Variants in ANKRD11 observed in about 807,000 individuals in gnomAD.
ANKRD11 encodes the protein ankyrin repeat domain-containing protein 11.
A neutral mutation model predicts 195.7 loss-of-function variants in ANKRD11; 17 were observed. The ratio of observed to expected loss-of-function variants is 0.09; its 90% confidence interval spans 0.06 to 0.13. The LOEUF is 0.13. ANKRD11 is among the 10% of genes least tolerant of loss of function. The pLI, the probability that ANKRD11 is intolerant of heterozygous loss-of-function variation, is 1.00. For missense variants in ANKRD11, 3,735 were observed against 3,566.1 expected (o/e 1.05, Z -1.21); for synonymous variants, 1,953 against 1,528.1 (o/e 1.28, Z -6.49).
intron 2 of ANKRD11, among the ~76,000 whole-genome samples, chr16:89,410,971 C>A (rs1449655380): frequency 6.6e-6 from 1 of 152,230 alleles, no homozygotes; most frequent in Non-Finnish European, 1.5e-5. Context: ...TTCAGGCTGC[C>A]CGGCCTCCAC....
At chr16:89,379,745 T>C (rs1481783806) in intron 2 of ANKRD11, among the ~76,000 whole-genome samples, 1 of 152,226 alleles carries the variant, frequency 6.6e-6, no homozygotes, top group African/African-American at 2.4e-5. Flanking sequence ...TTGGTTCTTG[T>C]GATTCACAAA....
At chr16:89,287,109 G>T in intron 7 of ANKRD11, 1 of 1,289,762 alleles carries the variant, frequency 7.8e-7, no homozygotes, top group Non-Finnish European at 1.0e-6. Context: ...CCTCCATCAT[G>T]GGGGCTGCTG....
chr16:89,453,848 G>A (rs925640405), intron 1 of ANKRD11, among the ~76,000 whole-genome samples: 3 of 152,130 alleles, frequency 2.0e-5, no homozygotes, highest in African/African-American at 4.8e-5. Context: ...GGACTCTGGA[G>A]CCAGCCTGCC....
chr16:89,291,920 C>G lies in ANKRD11; in HGVS notation c.227-737G>C. On this transcript the variant is annotated intron_variant, in intron 4 of 12. Transcript: ENST00000301030. This position sits in a 1 kb window ranked among gnomAD's most constrained non-coding sequence, Gnocchi z 5.3. ...GCTGGCGTCTAACGCAACTCACGTG[C>G]TGTGTCTTTTAAAAGAGGCAGGAGG... 1 of 483,182 alleles carries G rather than the reference C, an allele frequency of 2.1e-6. No homozygotes were observed. Among genetic ancestry groups the G allele is most frequent in the South Asian group, 1.7e-5 (1 of 59,986 alleles). The allele number at this position is 483,182 out of a possible 1,614,324, so 29.9% of individuals were successfully genotyped here.
intron 9 of ANKRD11, among the ~76,000 whole-genome samples, chr16:89,275,460 G>T (rs1266135049): frequency 1.3e-5 from 2 of 152,204 alleles, no homozygotes; most frequent in East Asian, 3.9e-4. Context: ...CAGTATCTGT[G>T]GGCCATCGTG....
chr16:89,301,609 G>C lies in ANKRD11; in HGVS notation c.226+3597C>G, dbSNP rs142158660. ...CACCCACAGCCCTTACAGAGGCCTG[G>C]TCCTAGGACGGGCTCTTGCCCAGCG... On this transcript the variant is annotated intron_variant, in intron 4 of 12. Transcript: ENST00000301030. The C allele has an allele frequency of 3.8e-3, 1,512 of 398,808 alleles. 18 individuals are homozygous for C. The highest frequency in any genetic ancestry group is 0.027 in the African/African-American group (1,322 of 48,760). The allele number at this position is 398,808 out of a possible 1,614,324, so 24.7% of individuals were successfully genotyped here. A position where few individuals can be genotyped will look rare whatever the true frequency, so the allele number is the denominator to read the frequency against.
Position 89,477,968 on chromosome 16 carries a change from C to G in ANKRD11, c.-145+12277G>C, listed in dbSNP as rs1395618697. On this transcript the variant is annotated intron_variant, in intron 1 of 12. Transcript: ENST00000301030. ...CAAGACTCCATCTCAAAAATAATAA[C>G]AAAAAATTAAAAAATCAGACCTAAT... Among the ~76,000 whole-genome samples, 3 of 152,004 alleles carry G rather than the reference C, an allele frequency of 2.0e-5. No homozygotes were observed. In the East Asian group the frequency reaches 5.8e-4, roughly 30 times the overall value.
chr16:89,319,347 G>A lies in ANKRD11; in HGVS notation c.-59-2269C>T, dbSNP rs1053884052. On this transcript the variant is annotated intron_variant, in intron 2 of 12. Coordinates refer to ENST00000301030, the MANE Select transcript of ANKRD11 (RefSeq NM_013275.6). ...CCAGGCACCTTCCCCAATGGACCAG[G>A]GATCTGGGAGTCCACTCAGGAGGTG... Among the ~76,000 whole-genome samples the A allele has an allele frequency of 2.0e-5, 3 of 152,214 alleles. No homozygotes were observed. The East Asian group carries it at 5.8e-4, about 29-fold the overall frequency.
intron 2 of ANKRD11, among the ~76,000 whole-genome samples, chr16:89,328,591 G>C (rs962281860): frequency 1.3e-5 from 2 of 151,902 alleles, no homozygotes; most frequent in African/African-American, 2.4e-5. Context: ...CCAGGCGTAC[G>C]GGTGAATCTG....
chr16:89,412,334 A>C (rs2042135919), intron 2 of ANKRD11: 1 of 107,120 alleles, frequency 9.3e-6, no homozygotes, highest in African/African-American at 3.7e-5. Context: ...CCCTCCCCTC[A>C]GCCAGGTACT....
intron 1 of ANKRD11, among the ~76,000 whole-genome samples, chr16:89,475,931 A>ACTT (rs1413670600): frequency 6.6e-5 from 10 of 152,184 alleles, no homozygotes; most frequent in African/African-American, 2.4e-4. Context: ...GGGCACCTGT[A>ACTT]GTCCCAGCTA....
chr16:89,275,707 C>T (rs1033019769), intron 9 of ANKRD11, among the ~76,000 whole-genome samples: 2 of 152,190 alleles, frequency 1.3e-5, no homozygotes, highest in African/African-American at 2.4e-5. Flanking sequence ...GGCCCAGGTC[C>T]CCGTGGGGGC....
intron 1 of ANKRD11, among the ~76,000 whole-genome samples, chr16:89,449,412 G>A (rs1041405881): frequency 6.6e-6 from 1 of 151,992 alleles, no homozygotes; most frequent in Non-Finnish European, 1.5e-5. Flanking sequence ...CTATCATGGG[G>A]CAAATTTAAA....
chr16:89,280,042 G>A lies in ANKRD11; in HGVS notation c.6500C>T (p.Pro2167Leu), dbSNP rs777253893. ...EESLAPPEEMPPGAPGVINGG... is the reference protein window; with the variant it reads ...EESLAPPEEMLPGAPGVINGG... ...GTTTATGACCCCGGGGGCCCCTGGA[G>A]GCATCTCTTCTGGAGGAGCAAGACT... The change falls in exon 9 of 13, where the codon CCT becomes CTT. Residue 2167 changes from proline to leucine, a missense_variant. Pro to Leu is a moderately conservative substitution (Grantham distance 98). Coordinates refer to ENST00000301030, the MANE Select transcript of ANKRD11 (RefSeq NM_013275.6). 13 of 1,612,902 alleles carry A rather than the reference G, an allele frequency of 8.1e-6. No individual in the cohort carries two copies. Among genetic ancestry groups the A allele is most frequent in the Admixed American group, 1.7e-5 (1 of 60,034 alleles).
Position 89,477,612 on chromosome 16 carries a change from C to T in ANKRD11, c.-145+12633G>A, listed in dbSNP as rs560867342. ...CCTCAGGTGATCCACCCGCTTCAGC[C>T]TCCCAAAGTGCTGGGATTACAGGTG... On this transcript the variant is annotated intron_variant, in intron 1 of 12. Transcript: ENST00000301030. Among the ~76,000 whole-genome samples the T allele has an allele frequency of 5.7e-4, 86 of 151,886 alleles. 1 individual carries two copies. The highest frequency in any genetic ancestry group is 1.7e-3 in the African/African-American group (69 of 41,496).
chr16:89,268,544 G>A lies in ANKRD11; in HGVS notation c.7926C>T (p.Asn2642=), dbSNP rs2032832286. The change falls in exon 13 of 13, where the codon AAC becomes AAT. Residue 2642 remains asparagine (N), a synonymous_variant. Transcript: ENST00000301030. ...TGGGCACGTAGAAGGAGGGCACCTC[G>A]TTCACGCACAGGGACTTGTGCCCGG... ...DPAGHKSLCV[N]EVPSFYVPMV... 2.0e-6 allele frequency: 3 copies of A among 1,490,890 alleles called. No homozygotes were observed. The highest frequency in any genetic ancestry group is 1.4e-5 in the African/African-American group (1 of 71,422). The allele number at this position is 1,490,890 out of a possible 1,614,324, so 92.4% of individuals were successfully genotyped here.
chr16:89,399,442 A>G (rs979782895), intron 2 of ANKRD11, among the ~76,000 whole-genome samples: 9 of 152,212 alleles, frequency 5.9e-5, no homozygotes, highest in African/African-American at 2.2e-4. Flanking sequence ...CGACTCTGAC[A>G]TCCAGGAAAG....
At chr16:89,454,238 A>G (rs2056326852) in intron 1 of ANKRD11, among the ~76,000 whole-genome samples, 1 of 152,148 alleles carries the variant, frequency 6.6e-6, no homozygotes, top group African/African-American at 2.4e-5. Context: ...GCTGTAGCTT[A>G]CAGACCAAGG....
At chr16:89,382,758 G>T (rs575052420) in intron 2 of ANKRD11, among the ~76,000 whole-genome samples, 54 of 152,336 alleles carry the variant, frequency 3.5e-4, no homozygotes, top group African/African-American at 1.3e-3. Context: ...GAGATTATAG[G>T]TGTGAGTCAA....
Sources: gnomAD v4.1 joint callset for allele counts (sites outside exome capture counted in the v4.1 genomes callset) on GRCh38, gnomAD v4.1.1 for gene constraint, Gnocchi (gnomAD v3.1) non-coding constraint, MANE v1.5 for transcripts, NCBI Gene and HGNC (gene_info 2026-07-23, HGNC 2026-07-21) for gene names.